FOXJ2: variants seen among roughly 807,000 people sequenced by gnomAD.
FOXJ2 encodes the protein forkhead box protein J2.
In FOXJ2, 18 loss-of-function variants were observed where a neutral mutation model predicts 68.4. The observed-to-expected ratio is 0.26, with a 90% CI of 0.18 to 0.39. FOXJ2 has a LOEUF of 0.39. Ranked by LOEUF, FOXJ2 falls within the 10% of genes least tolerant of loss-of-function variation. FOXJ2 has a pLI of 1.00. For missense variants in FOXJ2, 670 were observed against 726.5 expected (o/e 0.92, Z 0.89); for synonymous variants, 274 against 263.2 (o/e 1.04, Z -0.40).
chr12:8,045,070 G>A, intron 6 of FOXJ2, 112 bp downstream of exon 6: 1 of 1,116,676 alleles, frequency 9.0e-7, no homozygotes, highest in African/African-American at 1.6e-5. Context: ...GTGAGACAGG[G>A]TCTCACTCTT....
rs780604056 is a variant in FOXJ2 at position 8,043,765 on chromosome 12, A to G, written c.473A>G (p.Asp158Gly). ...ISRKRRHPPD[D>G]DLSQDSPEQE... Reference sequence around the variant, plus strand: ...CGAAAGAGAAGACACCCTCCAGATGATGATGTAAGTTCCCAGCTCATGAGG... The same window carrying G: ...CGAAAGAGAAGACACCCTCCAGATGGTGATGTAAGTTCCCAGCTCATGAGG... Residue 158 changes from aspartate (D) to glycine (G), a missense_variant, in exon 4 of 11, where the codon GAT becomes GGT. By Grantham distance (94) the Asp-to-Gly change is moderately conservative. Around this residue, in one of 2 missense-constraint regions of FOXJ2, gnomAD observed 555 missense variants for 562.2 expected, o/e 0.99. Coordinates refer to ENST00000162391, the MANE Select transcript of FOXJ2 (RefSeq NM_018416.3). The G allele has an allele frequency of 1.2e-6, 2 of 1,614,170 alleles. No homozygotes were observed. Among genetic ancestry groups the G allele is most frequent in the Non-Finnish European group, 1.7e-6 (2 of 1,180,028 alleles).
chr12:8,047,911 C>T lies in FOXJ2; in HGVS notation c.847C>T (p.Pro283Ser). ...TTCTTCTCTCCTGGGGGACATCCCA[C>T]CCTCGAACAACTACTACATGTATCA... ...GFSSLLGDIP[P>S]SNNYYMYQQQ... Residue 283 changes from proline to serine, a missense_variant, in exon 7 of 11, where the codon CCC (proline) becomes TCC (serine). Physicochemically the swap from Pro to Ser is moderately conservative, Grantham distance 74. This residue lies in a region of FOXJ2 where 555 missense variants were observed against 562.2 expected (regional missense o/e 0.99). Coordinates refer to ENST00000162391, the MANE Select transcript of FOXJ2 (RefSeq NM_018416.3). 2 of 1,603,416 alleles carry T rather than the reference C, an allele frequency of 1.2e-6. No homozygotes were observed. Among genetic ancestry groups the T allele is most frequent in the Non-Finnish European group, 8.5e-7 (1 of 1,172,334 alleles).
chr12:8,044,663 A>G, intron 5 of FOXJ2, 97 bp from the exon 6 acceptor site: 4 of 1,266,844 alleles, frequency 3.2e-6, no homozygotes, highest in Non-Finnish European at 4.5e-6. Context: ...CTAGGCGAGG[A>G]TGAAGAGGAC....
At chr12:8,045,959 C>G (rs1565629698) in intron 6 of FOXJ2, among the ~76,000 whole-genome samples, 1 of 152,184 alleles carries the variant, frequency 6.6e-6, no homozygotes, top group Non-Finnish European at 1.5e-5. Flanking sequence ...GTGCCTGACC[C>G]ATATTTCTTA....
At chr12:8,037,736 T>C (rs1309491641) in intron 1 of FOXJ2, among the ~76,000 whole-genome samples, 1 of 152,148 alleles carries the variant, frequency 6.6e-6, no homozygotes, top group Non-Finnish European at 1.5e-5. Flanking sequence ...CCCTGGTCAT[T>C]GGAAACCTGC....
intron 5 of FOXJ2, 42 bp downstream of exon 5, chr12:8,044,133 A>G: frequency 6.8e-7 from 1 of 1,475,222 alleles, no homozygotes. Context: ...TGGGTGGTGA[A>G]TAGATTCAGA....
chr12:8,039,640 T>G (rs1223610777), intron 1 of FOXJ2, among the ~76,000 whole-genome samples, 179 bp from the exon 2 acceptor site: 1 of 152,186 alleles, frequency 6.6e-6, no homozygotes, highest in African/African-American at 2.4e-5. Flanking sequence ...GTAGGGTAAC[T>G]AGCAGTCCAT....
chr12:8,037,116 A>AC (rs1565626914), intron 1 of FOXJ2, among the ~76,000 whole-genome samples: 9 of 152,058 alleles, frequency 5.9e-5, no homozygotes, highest in Non-Finnish European at 1.2e-4. Flanking sequence ...ACAAAACAAA[A>AC]ACAAAAAACA....
rs760698418 is a variant in FOXJ2 at position 8,038,287 on chromosome 12, T to C, written c.-14-1532T>C. On this transcript the variant is annotated intron_variant, in intron 1 of 10. Transcript: ENST00000162391. The surrounding 1 kb of genome is among the most constrained non-coding windows in gnomAD (Gnocchi z 5.3). ...AGGGCAGAAGAATCACTACCTAGGA[T>C]AGAAGAGGGAGCTGAGACCCTGAAG... 4.5e-4 allele frequency among the ~76,000 whole-genome samples: 69 copies of C among 152,122 alleles called. No homozygotes were observed. Among genetic ancestry groups the C allele is most frequent in the Non-Finnish European group, 1.2e-4 (8 of 67,992 alleles).
intron 6 of FOXJ2, among the ~76,000 whole-genome samples, chr12:8,045,365 C>A (rs1220028958): frequency 6.6e-6 from 1 of 151,966 alleles, no homozygotes; most frequent in Non-Finnish European, 1.5e-5. Context: ...ACTACAGGCG[C>A]ATGCCACACC....
intron 9 of FOXJ2, chr12:8,050,150 A>C: frequency 4.8e-6 from 1 of 206,974 alleles, no homozygotes; most frequent in Non-Finnish European, 9.0e-6. Flanking sequence ...TTTTTTTTGT[A>C]TTTTGTGTAT....
Position 8,040,005 on chromosome 12 carries a change from A to T in FOXJ2, c.173A>T (p.Glu58Val). ...TDPNATLSKD[E>V]AAVHQDGKPR... ...CCTAATGCCACCCTGAGCAAAGACG[A>T]GGCAGCAGTGCACCAGGACGGCAAG... The change falls in exon 2 of 11, where the codon GAG becomes GTG. Residue 58 changes from glutamate (E) to valine (V), a missense_variant. This residue lies in a region of FOXJ2 where 115 missense variants were observed against 164.3 expected (regional missense o/e 0.70). Transcript: ENST00000162391. This position sits in a 1 kb window ranked among gnomAD's most constrained non-coding sequence, Gnocchi z 4.0. The T allele has an allele frequency of 6.2e-7, 1 of 1,614,156 alleles. No individual in the cohort carries two copies.
At chr12:8,049,778 T>G (rs1273045803) in intron 9 of FOXJ2, 3 of 473,048 alleles carry the variant, frequency 6.3e-6, no homozygotes, top group Non-Finnish European at 1.1e-5. Context: ...GTATGATTCC[T>G]TTTTAGACCT....
intron 5 of FOXJ2, among the ~76,000 whole-genome samples, 194 bp downstream of exon 5, chr12:8,044,285 GA>G (rs1171505952): frequency 6.6e-6 from 1 of 151,874 alleles, no homozygotes; most frequent in Non-Finnish European, 1.5e-5. Flanking sequence ...GAAACATCAG[GA>G]AAAAAAAGCT....
chr12:8,044,730 T>C (rs776372139), intron 5 of FOXJ2, 30 bp from the exon 6 acceptor site: 25 of 1,612,258 alleles, frequency 1.6e-5, no homozygotes, highest in Non-Finnish European at 2.1e-5. Context: ...GCTGGGACAC[T>C]GATCAGGAAT....
chr12:8,052,709 G>A (rs1324317840), intron 10 of FOXJ2, 53 bp from the exon 11 acceptor site: 24 of 1,468,942 alleles, frequency 1.6e-5, no homozygotes, highest in Non-Finnish European at 2.2e-5. Context: ...TGTAAATTGA[G>A]GGAACAGCTT....
At chr12:8,044,119 G>C in intron 5 of FOXJ2, 28 bp downstream of exon 5, 1 of 1,501,598 alleles carries the variant, frequency 6.7e-7, no homozygotes, top group Non-Finnish European at 8.9e-7. Context: ...CAGGGGTCAT[G>C]GGATGGGTGG....
chr12:8,052,741 CTCTTTCTT>C lies in FOXJ2; in HGVS notation c.1637-13_1637-6del, dbSNP rs748255213. 49 of 1,587,260 alleles carry C rather than the reference CTCTTTCTT, an allele frequency of 3.1e-5. No homozygotes were observed. Among genetic ancestry groups the C allele is most frequent in the Non-Finnish European group, 1.7e-5 (20 of 1,162,700 alleles). On this transcript the variant is annotated splice_polypyrimidine_tract_variant and intron_variant, in intron 10 of 10. Coordinates refer to ENST00000162391, the MANE Select transcript of FOXJ2 (RefSeq NM_018416.3). ...GCTTCCCATCCACTCTCCTTTTACT[CTCTTTCTT>C]TCTTTCTAACAGCACACCATATGGT...
Position 8,032,779 on chromosome 12 carries a change from C to T in FOXJ2, c.-1069C>T, listed in dbSNP as rs1274093292. 6 of 398,176 alleles carry T rather than the reference C, an allele frequency of 1.5e-5. No homozygotes were observed. The East Asian group carries it at 2.1e-4, about 14-fold the overall frequency. The allele number at this position is 398,176 out of a possible 1,614,324, so 24.7% of individuals were successfully genotyped here. A position where few individuals can be genotyped will look rare whatever the true frequency, so the allele number is the denominator to read the frequency against. The stretch of plus-strand genomic sequence containing the variant: ...CTGACACTGTCTGCCCGCCTTCTGG[C>T]TCCCCGGGAGCCCAGACTGGTCGGA... On this transcript the variant is annotated 5_prime_UTR_variant, in exon 1 of 11. Coordinates refer to ENST00000162391, the MANE Select transcript of FOXJ2 (RefSeq NM_018416.3). The surrounding 1 kb of genome is among the most constrained non-coding windows in gnomAD (Gnocchi z 4.8).
Sources: allele counts gnomAD v4.1 joint callset (sites outside exome capture counted in the v4.1 genomes callset), GRCh38; gene constraint gnomAD v4.1.1; regional missense constraint gnomAD v4.1.1; non-coding constraint Gnocchi (gnomAD v3.1); transcripts MANE v1.5; gene names NCBI Gene and HGNC (gene_info 2026-07-23, HGNC 2026-07-21).